PRDM16: variants seen among roughly 807,000 people sequenced by gnomAD.
The protein encoded by PRDM16 is PR/SET domain 16, also known as histone-lysine N-methyltransferase PRDM16.
PRDM16 carries 23 observed loss-of-function variants against 110.6 expected under a neutral mutation model. The observed-to-expected ratio is 0.21, with a 90% confidence interval of 0.15 to 0.29. The LOEUF is 0.29. PRDM16 is among the 10% of genes least tolerant of loss of function. The probability of loss-of-function intolerance (pLI) is 1.00; values close to 1 mark genes in which losing one functional copy is unlikely to be tolerated. For synonymous variants in PRDM16, 799 were observed against 781.8 expected (o/e 1.02, Z -0.37); for missense variants, 1,615 against 1,794.3 (o/e 0.90, Z 1.81).
rs529554772 is a variant in PRDM16, at chr1:3,371,290, T to G, written c.439-13862T>G. Reference sequence around the variant, plus strand: ...CATTCATCCATTCATTCCACATCCATCCATCCACCCATCCATCCATGCATC... The same window carrying G: ...CATTCATCCATTCATTCCACATCCAGCCATCCACCCATCCATCCATGCATC... On this transcript the variant is annotated intron_variant, in intron 3 of 16. Transcript: ENST00000270722. Among the ~76,000 whole-genome samples, 4 of 146,116 alleles carry G rather than the reference T, an allele frequency of 2.7e-5. No individual in the cohort carries two copies. The South Asian group carries it at 9.1e-4, about 33-fold the overall frequency.
At chr1:3,275,542 G>C (rs983189886) in intron 3 of PRDM16, among the ~76,000 whole-genome samples, 15 of 152,262 alleles carry the variant, frequency 9.9e-5, no homozygotes, top group Admixed American at 7.8e-4. Flanking sequence ...AGGTGGGGGG[G>C]TTCAGGACGG....
chr1:3,223,103 CTTT>C (rs1172383270), intron 2 of PRDM16, among the ~76,000 whole-genome samples: 549 of 73,936 alleles, frequency 7.4e-3, no homozygotes, highest in Middle Eastern at 0.015. Context: ...AAAATCAAGG[CTTT>C]TTTTTTTTTT....
intron 3 of PRDM16, among the ~76,000 whole-genome samples, chr1:3,257,708 C>G (rs552065514): frequency 6.6e-6 from 1 of 152,174 alleles, no homozygotes; most frequent in East Asian, 1.9e-4. Flanking sequence ...TCAACAAATA[C>G]GCCTGCCTTG....
At chr1:3,426,497 T>C (rs994355865) in intron 14 of PRDM16, among the ~76,000 whole-genome samples, 1 of 152,136 alleles carries the variant, frequency 6.6e-6, no homozygotes, top group African/African-American at 2.4e-5. Flanking sequence ...TGCAAAACAC[T>C]AGCCAGGTGA....
intron 1 of PRDM16, among the ~76,000 whole-genome samples, chr1:3,179,074 C>T (rs1644122422): frequency 6.6e-6 from 1 of 152,240 alleles, no homozygotes; most frequent in African/African-American, 2.4e-5. Context: ...ACTGTCAGGG[C>T]CTTGGAGGAA....
intron 16 of PRDM16, among the ~76,000 whole-genome samples, chr1:3,432,363 A>C (rs1485813182): frequency 6.6e-6 from 1 of 152,192 alleles, no homozygotes; most frequent in Non-Finnish European, 1.5e-5. Context: ...CAGGACCCTC[A>C]CGAGGGAGCT....
intron 1 of PRDM16, among the ~76,000 whole-genome samples, chr1:3,159,633 G>A (rs529140131): frequency 2.0e-5 from 3 of 152,320 alleles, no homozygotes; most frequent in African/African-American, 7.2e-5. Context: ...GTGTGAATTT[G>A]GGAGGACACA....
At position 3,418,688 on chromosome 1, in the gene PRDM16, C is replaced by T; in HGVS notation, c.2883C>T (p.Pro961=). 6.2e-7 allele frequency: 1 copy of T among 1,613,686 alleles called. No individual in the cohort carries two copies. The highest frequency in any genetic ancestry group is 1.7e-5 in the Admixed American group (1 of 60,028). Reference sequence around the variant, plus strand: ...CCAGGTACTGTGGGAAGATCTTCCCCAGATCAGCCAATCTCACCAGACACC... The same window carrying T: ...CCAGGTACTGTGGGAAGATCTTCCCTAGATCAGCCAATCTCACCAGACACC... ...YTCRYCGKIF[P]RSANLTRHLR... Residue 961 remains proline (P), a synonymous_variant, in exon 12 of 17, where the codon CCC becomes CCT. Coordinates refer to ENST00000270722, the MANE Select transcript of PRDM16 (RefSeq NM_022114.4).
intron 3 of PRDM16, among the ~76,000 whole-genome samples, chr1:3,379,065 C>T (rs1171624700): frequency 2.0e-5 from 3 of 150,332 alleles, no homozygotes; most frequent in African/African-American, 7.4e-5. Flanking sequence ...CTTCCTGGTG[C>T]ACCCTCCCCA....
intron 1 of PRDM16, chr1:3,133,305 G>C (rs1643371794): frequency 6.6e-6 from 1 of 152,314 alleles, no homozygotes; most frequent in Non-Finnish European, 1.5e-5. Context: ...AACCATGCCA[G>C]ACTCTCCCAG....
rs1643595689 is a variant in PRDM16, at chr1:3,143,796, G to A, written c.38-42329G>A. Among the ~76,000 whole-genome samples, 1 of 152,130 alleles carries A rather than the reference G, an allele frequency of 6.6e-6. No individual in the cohort carries two copies. The highest frequency in any genetic ancestry group is 1.5e-5 in the Non-Finnish European group (1 of 68,002). ...CCGGCTTATTCTTTTTTTCTAAATA[G>A]TGAGGCCCAGAGTGCAGGTGTGTGT... On this transcript the variant is annotated intron_variant, in intron 1 of 16. Coordinates refer to ENST00000270722, the MANE Select transcript of PRDM16 (RefSeq NM_022114.4). This position sits in a 1 kb window ranked among gnomAD's most constrained non-coding sequence, Gnocchi z 4.5.
intron 2 of PRDM16, among the ~76,000 whole-genome samples, chr1:3,241,214 G>T (rs920679078): frequency 6.6e-6 from 1 of 152,248 alleles, no homozygotes; most frequent in African/African-American, 2.4e-5. Flanking sequence ...AGGCCCCAGC[G>T]CCCTGCCTGC....
intron 3 of PRDM16, among the ~76,000 whole-genome samples, chr1:3,302,471 CCAAAGTATCCATTGTTGCCA>C (rs1297194877): frequency 2.6e-5 from 4 of 151,362 alleles, no homozygotes; most frequent in African/African-American, 4.9e-5. Context: ...CAGGGTTGCC[CCAAAGTATCCATTGTTGCCA>C]CAAAGTATCC....
chr1:3,246,297 C>T lies in PRDM16; in HGVS notation c.438+2160C>T, dbSNP rs139227762. ...CCAGCCAGGGGCCTACTTCCAAGTG[C>T]CCAGGGCAGCAGGCATCCCTCTGAC... On this transcript the variant is annotated intron_variant, in intron 3 of 16. Transcript: ENST00000270722. The surrounding 1 kb of genome is among the most constrained non-coding windows in gnomAD (Gnocchi z 5.2). Among the ~76,000 whole-genome samples, 1,583 of 152,302 alleles carry T rather than the reference C, an allele frequency of 0.01. 10 individuals are homozygous for T. Among genetic ancestry groups the T allele is most frequent in the South Asian group, 0.016 (75 of 4,814 alleles).
At chr1:3,120,083 A>G (rs1330206031) in intron 1 of PRDM16, among the ~76,000 whole-genome samples, 1 of 138,620 alleles carries the variant, frequency 7.2e-6, no homozygotes, top group Non-Finnish European at 1.5e-5. Context: ...CAGTCTGCCC[A>G]CCACCAGCCC....
chr1:3,189,255 C>T (rs920443398), intron 2 of PRDM16, among the ~76,000 whole-genome samples: 11 of 152,352 alleles, frequency 7.2e-5, no homozygotes, highest in Non-Finnish European at 1.5e-4. Context: ...CACCAACAAG[C>T]GGCCCTGCTA....
intron 2 of PRDM16, among the ~76,000 whole-genome samples, chr1:3,200,524 A>C (rs1638595754): frequency 6.6e-6 from 1 of 152,028 alleles, no homozygotes; most frequent in Admixed American, 6.6e-5. Flanking sequence ...TTGTATTTTT[A>C]GTAGAGACGG....
At chr1:3,357,359 C>G (rs1642627659) in intron 3 of PRDM16, among the ~76,000 whole-genome samples, 1 of 144,168 alleles carries the variant, frequency 6.9e-6, no homozygotes, top group African/African-American at 2.5e-5. Flanking sequence ...GCCCCACCCC[C>G]CGCCCCGAGC....
intron 3 of PRDM16, among the ~76,000 whole-genome samples, chr1:3,296,498 G>A (rs1327091742): frequency 6.6e-6 from 1 of 152,276 alleles, no homozygotes; most frequent in Non-Finnish European, 1.5e-5. Context: ...GGCTCCACCA[G>A]CCCTAACCCG....
Sources: gnomAD v4.1 joint callset for allele counts (sites outside exome capture counted in the v4.1 genomes callset) on GRCh38, gnomAD v4.1.1 for gene constraint, Gnocchi (gnomAD v3.1) non-coding constraint, MANE v1.5 for transcripts, NCBI Gene and HGNC (gene_info 2026-07-23, HGNC 2026-07-21) for gene names.